Variants in MYH15 observed in about 807,000 individuals in gnomAD.
The protein encoded by MYH15 is myosin heavy chain 15, also known as myosin-15.
In MYH15, 227 loss-of-function variants were observed where a neutral mutation model predicts 240.5. The ratio of observed to expected loss-of-function variants is 0.94; its 90% CI spans 0.85 to 1.05. The LOEUF is 1.05. MYH15 is among the 50% of genes least tolerant of loss of function. The probability of loss-of-function intolerance (pLI) is 0.00; values close to 1 mark genes in which losing one functional copy is unlikely to be tolerated. For synonymous variants in MYH15, 785 were observed against 796.7 expected (o/e 0.99, Z 0.25); for missense variants, 2,217 against 2,247.5 (o/e 0.99, Z 0.27).
At chr3:108,384,804 G>A in intron 38 of MYH15, 22 bp from the exon 39 acceptor site, 1 of 1,593,166 alleles carries the variant, frequency 6.3e-7, no homozygotes, top group Non-Finnish European at 8.6e-7. Context: ...AGGCATGTAT[G>A]GGAAGGTGAT....
intron 10 of MYH15, 63 bp from the exon 11 acceptor site, chr3:108,485,292 C>A: frequency 6.3e-7 from 1 of 1,585,422 alleles, no homozygotes; most frequent in Non-Finnish European, 8.6e-7. Context: ...GAGCACCTCA[C>A]CCCCGCTGTG....
chr3:108,472,706 G>A (rs988272005), intron 12 of MYH15, among the ~76,000 whole-genome samples: 6 of 152,170 alleles, frequency 3.9e-5, no homozygotes, highest in African/African-American at 1.4e-4. Flanking sequence ...GTGGCAAGTA[G>A]TGGAGAAACA....
chr3:108,445,249 G>A (rs1451261610), intron 21 of MYH15, among the ~76,000 whole-genome samples: 1 of 152,118 alleles, frequency 6.6e-6, no homozygotes, highest in Non-Finnish European at 1.5e-5. Flanking sequence ...AACAAGTCTT[G>A]GTATTGTAAG....
chr3:108,393,741 C>G (rs1171161880), intron 36 of MYH15, among the ~76,000 whole-genome samples: 1 of 152,184 alleles, frequency 6.6e-6, no homozygotes, highest in African/African-American at 2.4e-5. Flanking sequence ...TGTATTGATT[C>G]ACAAATGAAA....
chr3:108,440,166 A>T (rs1393994196), intron 23 of MYH15, among the ~76,000 whole-genome samples: 1 of 152,180 alleles, frequency 6.6e-6, no homozygotes, highest in African/African-American at 2.4e-5. Flanking sequence ...AATAATTAAC[A>T]TTATTTATAA....
intron 36 of MYH15, among the ~76,000 whole-genome samples, chr3:108,392,298 T>C (rs1380240233): frequency 6.6e-6 from 1 of 152,244 alleles, no homozygotes; most frequent in Non-Finnish European, 1.5e-5. Flanking sequence ...GGTGTCACAT[T>C]AATGCACCAG....
intron 1 of MYH15, 136 bp downstream of exon 1, chr3:108,510,307 T>C: frequency 8.5e-7 from 1 of 1,171,174 alleles, no homozygotes; most frequent in Non-Finnish European, 1.2e-6. Context: ...ATTGCTCAGT[T>C]TCCTAGAGGC....
Position 108,485,162 on chromosome 3 carries a change from A to G in MYH15, c.1043T>C (p.Ile348Thr). ...AAATTTCATATTTCCAAAGTGCATG[A>G]TGGCTCCAGTGAGTTTATAGCATCC... ...KYGCYKLTGA[I>T]MHFGNMKFKQ... The change falls in exon 11 of 41, where the codon ATC (isoleucine) becomes ACC (threonine). Residue 348 changes from isoleucine to threonine, a missense_variant. Coordinates refer to ENST00000693548, the MANE Select transcript of MYH15 (RefSeq NM_014981.3). The G allele has an allele frequency of 6.2e-7, 1 of 1,614,078 alleles. No homozygotes were observed. The highest frequency in any genetic ancestry group is 8.5e-7 in the Non-Finnish European group (1 of 1,179,952).
intron 14 of MYH15, among the ~76,000 whole-genome samples, chr3:108,467,170 A>G (rs945090300): frequency 1.3e-5 from 2 of 151,970 alleles, no homozygotes; most frequent in African/African-American, 2.4e-5. Context: ...TACAGGTCTG[A>G]GTTCTGGGAA....
Position 108,399,077 on chromosome 3 carries a change from T to C in MYH15, c.4927A>G (p.Lys1643Glu). Residue 1643 changes from lysine (K) to glutamate (E), a missense_variant and splice_region_variant, in exon 34 of 41, where the codon AAG becomes GAG. Lys to Glu is a moderately conservative substitution (Grantham distance 56, BLOSUM62 1). Coordinates refer to ENST00000693548, the MANE Select transcript of MYH15 (RefSeq NM_014981.3). ...CCCATCTTACAGTTTTAAAATACCT[T>C]GATTTGAATCTGAAGCTGGCCCAGG... ...KSLGQLQIQI[K>E]DLQMQLDDST... 6.2e-7 allele frequency: 1 copy of C among 1,612,890 alleles called. No individual in the cohort carries two copies. Among genetic ancestry groups the C allele is most frequent in the African/African-American group, 1.3e-5 (1 of 74,992 alleles).
chr3:108,501,030 A>G (rs1165713844), intron 3 of MYH15, among the ~76,000 whole-genome samples: 1 of 152,220 alleles, frequency 6.6e-6, no homozygotes, highest in Admixed American at 6.5e-5. Flanking sequence ...GGCCTCCAGC[A>G]TTGTAAGAGA....
intron 1 of MYH15, among the ~76,000 whole-genome samples, chr3:108,507,035 A>G (rs2083482301): frequency 6.6e-6 from 1 of 152,056 alleles, no homozygotes; most frequent in Non-Finnish European, 1.5e-5. Flanking sequence ...TATCTCAAAA[A>G]TAAAAAATAA....
intron 1 of MYH15, among the ~76,000 whole-genome samples, chr3:108,528,681 T>C (rs948305431): frequency 6.6e-6 from 1 of 152,152 alleles, no homozygotes; most frequent in African/African-American, 2.4e-5. Flanking sequence ...CTTCTATTTG[T>C]AGATAAGGAA....
chr3:108,451,938 C>T (rs1215305495), intron 21 of MYH15, among the ~76,000 whole-genome samples: 1 of 145,674 alleles, frequency 6.9e-6, no homozygotes, highest in Non-Finnish European at 1.5e-5. Flanking sequence ...GATAAAAATG[C>T]TTAACAAAAT....
chr3:108,397,733 C>T (rs2082472836), intron 35 of MYH15, among the ~76,000 whole-genome samples: 1 of 152,132 alleles, frequency 6.6e-6, no homozygotes, highest in Non-Finnish European at 1.5e-5. Context: ...AGCCAGAGTC[C>T]AGACGGTGTA....
intron 26 of MYH15, among the ~76,000 whole-genome samples, chr3:108,429,125 G>C (rs917104496): frequency 6.6e-6 from 1 of 151,958 alleles, no homozygotes; most frequent in East Asian, 1.9e-4. Context: ...ATAGATGGAG[G>C]GGAAAGCTTA....
intron 1 of MYH15, among the ~76,000 whole-genome samples, chr3:108,519,474 G>T (rs970358555): frequency 6.6e-6 from 1 of 152,092 alleles, no homozygotes; most frequent in Admixed American, 6.5e-5. Context: ...CAAAATACAT[G>T]ATTGGCTCAC....
intron 17 of MYH15, among the ~76,000 whole-genome samples, chr3:108,460,056 C>T (rs1441329340): frequency 1.3e-5 from 2 of 152,098 alleles, no homozygotes; most frequent in Non-Finnish European, 2.9e-5. Flanking sequence ...TCTGACAACT[C>T]AGAGTTGTTA....
At chr3:108,493,986 G>A (rs2083373042) in intron 7 of MYH15, among the ~76,000 whole-genome samples, 1 of 152,226 alleles carries the variant, frequency 6.6e-6, no homozygotes, top group African/African-American at 2.4e-5. Flanking sequence ...GGGCAGAAAT[G>A]CTGTCCAGAG....
Sources: gnomAD v4.1 joint callset for allele counts (sites outside exome capture counted in the v4.1 genomes callset) on GRCh38, gnomAD v4.1.1 for gene constraint, MANE v1.5 for transcripts, NCBI Gene and HGNC (gene_info 2026-07-23, HGNC 2026-07-21) for gene names.